LAMC1: variants seen among roughly 807,000 people sequenced by gnomAD.
The protein encoded by LAMC1 is laminin subunit gamma 1.
LAMC1 carries 38 observed loss-of-function variants against 173.6 expected under a neutral mutation model. The ratio of observed to expected loss-of-function variants is 0.22; its 90% confidence interval spans 0.17 to 0.29. The LOEUF (loss-of-function observed/expected upper bound fraction) is 0.29, where lower values mean the gene tolerates loss of function less well. Ranked by LOEUF, LAMC1 falls within the 10% of genes least tolerant of loss-of-function variation. The pLI is 1.00. For synonymous variants in LAMC1, 746 were observed against 749.1 expected, an observed-to-expected ratio of 1.00 and a Z score of 0.07; for missense variants, 1,824 against 2,051.8, an observed-to-expected ratio of 0.89 and a Z score of 2.14.
Position 183,117,616 on chromosome 1 carries a change from C to G in LAMC1, c.1770C>G (p.Leu590=), listed in dbSNP as rs1459830342. The G allele has an allele frequency of 4.3e-6, 7 of 1,614,112 alleles. No homozygotes were observed. The highest frequency in any genetic ancestry group is 5.9e-6 in the Non-Finnish European group (7 of 1,179,944). ...GAGTGGACAGGCGAGATACTCGCCT[C>G]TCTGCAGAAGACCTTGTGCTTGAGG... ...SFRVDRRDTR[L]SAEDLVLEGA... Residue 590 remains leucine (L), a synonymous_variant, in exon 10 of 28, where the codon CTC becomes CTG. Transcript: ENST00000258341.
chr1:183,076,964 C>T (rs1454029172), intron 1 of LAMC1, among the ~76,000 whole-genome samples: 1 of 152,138 alleles, frequency 6.6e-6, no homozygotes, highest in Non-Finnish European at 1.5e-5. Flanking sequence ...AAAGAAGGAC[C>T]TCTTGATTTT....
intron 1 of LAMC1, among the ~76,000 whole-genome samples, chr1:183,077,054 T>C (rs1020762862): frequency 7.9e-5 from 12 of 152,228 alleles, no homozygotes; most frequent in Admixed American, 7.9e-4. Context: ...TGGTAACTGA[T>C]GTAATTAAGA....
Position 183,023,715 on chromosome 1 carries a change from G to C in LAMC1, c.-2G>C. The C allele has an allele frequency of 8.5e-7, 1 of 1,180,504 alleles. No individual in the cohort carries two copies. The allele number at this position is 1,180,504 out of a possible 1,614,324, so 73.1% of individuals were successfully genotyped here. On this transcript the variant is annotated 5_prime_UTR_variant, in exon 1 of 28. Coordinates refer to ENST00000258341, the MANE Select transcript of LAMC1 (RefSeq NM_002293.4). The stretch of plus-strand genomic sequence containing the variant: ...GCCGTGACCCAGCGTGCGGGCGGCG[G>C]GATGAGAGGGAGCCATCGGGCCGCG...
At chr1:183,048,380 T>G (rs1038786510) in intron 1 of LAMC1, among the ~76,000 whole-genome samples, 1 of 152,220 alleles carries the variant, frequency 6.6e-6, no homozygotes, top group African/African-American at 2.4e-5. Flanking sequence ...TACAGGTAAA[T>G]CTGCTGGTGC....
At chr1:183,090,207 T>G (rs1655530272) in intron 1 of LAMC1, among the ~76,000 whole-genome samples, 1 of 152,118 alleles carries the variant, frequency 6.6e-6, no homozygotes, top group Non-Finnish European at 1.5e-5. Flanking sequence ...ACCTTTAAAT[T>G]TGTTGTAATT....
chr1:183,031,860 T>G (rs970259272), intron 1 of LAMC1, among the ~76,000 whole-genome samples: 3 of 151,956 alleles, frequency 2.0e-5, no homozygotes, highest in African/African-American at 7.3e-5. Context: ...AAGACTTGTT[T>G]AAGATAGAAC....
chr1:183,119,110 T>C (rs1656399981), intron 11 of LAMC1, among the ~76,000 whole-genome samples: 1 of 152,152 alleles, frequency 6.6e-6, no homozygotes, highest in South Asian at 2.1e-4. Context: ...TTGGCCAGGC[T>C]GATCTCAAAC....
intron 1 of LAMC1, among the ~76,000 whole-genome samples, chr1:183,086,262 C>T (rs1571431003): frequency 6.6e-6 from 1 of 152,272 alleles, no homozygotes; most frequent in East Asian, 1.9e-4. Context: ...GATTATAATC[C>T]TCCTACATGC....
chr1:183,077,782 A>ATATATATATATATACTG (rs1655156610), intron 1 of LAMC1, among the ~76,000 whole-genome samples: 1 of 101,870 alleles, frequency 9.8e-6, no homozygotes, highest in Non-Finnish European at 2.3e-5. Context: ...TTGTGTATAT[A>ATATATATATATATACTG]TATATATATA....
chr1:183,140,579 G>T, intron 27 of LAMC1, 76 bp downstream of exon 27: 2 of 800,258 alleles, frequency 2.5e-6, no homozygotes, highest in South Asian at 2.0e-5. Flanking sequence ...TAGTACAGTT[G>T]ACTCAAAAGC....
chr1:183,062,772 C>T lies in LAMC1; in HGVS notation c.418+38638C>T, dbSNP rs146754817. Among the ~76,000 whole-genome samples, 756 of 152,204 alleles carry T rather than the reference C, an allele frequency of 5.0e-3. 2 individuals carry two copies. The highest frequency in any genetic ancestry group is 0.017 in the African/African-American group (686 of 41,526). ...TTTGAGACCTGCCTGGGCAATATGG[C>T]GAAACCCCATCTCTACTAAAAACAC... On this transcript the variant is annotated intron_variant, in intron 1 of 27. Coordinates refer to ENST00000258341, the MANE Select transcript of LAMC1 (RefSeq NM_002293.4).
intron 1 of LAMC1, among the ~76,000 whole-genome samples, chr1:183,046,874 T>A (rs1335529379): frequency 6.6e-6 from 1 of 152,128 alleles, no homozygotes; most frequent in Non-Finnish European, 1.5e-5. Context: ...CTCTGCTAAT[T>A]TGATAGGTGA....
At chr1:183,027,972 G>C (rs984148479) in intron 1 of LAMC1, among the ~76,000 whole-genome samples, 14 of 152,182 alleles carry the variant, frequency 9.2e-5, no homozygotes, top group African/African-American at 3.4e-4. Context: ...GTTTCAACTT[G>C]AGAAGTTAAG....
chr1:183,099,119 C>T (rs930729035), intron 1 of LAMC1, among the ~76,000 whole-genome samples: 1 of 151,948 alleles, frequency 6.6e-6, no homozygotes, highest in Admixed American at 6.6e-5. Flanking sequence ...AAGGGAGTCT[C>T]GCTGTGTTGC....
At chr1:183,079,231 G>GTTTTTTTTTTTTT (rs1262239438) in intron 1 of LAMC1, among the ~76,000 whole-genome samples, 1 of 95,620 alleles carries the variant, frequency 1.0e-5, no homozygotes, top group African/African-American at 4.0e-5. Context: ...TCTCTAATCT[G>GTTTTTTTTTTTTT]GTTTTTTTTT....
rs545763236 is a variant in LAMC1 at position 183,051,464 on chromosome 1, G to A, written c.418+27330G>A. Among the ~76,000 whole-genome samples the A allele has an allele frequency of 1.1e-4, 16 of 152,298 alleles. No homozygotes were observed. The South Asian group carries it at 2.7e-3, about 26-fold the overall frequency. On this transcript the variant is annotated intron_variant, in intron 1 of 27. Transcript: ENST00000258341. The stretch of plus-strand genomic sequence containing the variant: ...CCACTGTGTGACTTCAGTCAATACC[G>A]TGTGGAGTACACGAATCATCCAGCT...
chr1:183,045,351 T>C (rs1654240772), intron 1 of LAMC1, among the ~76,000 whole-genome samples: 1 of 152,122 alleles, frequency 6.6e-6, no homozygotes, highest in Non-Finnish European at 1.5e-5. Context: ...AGGTATCTAC[T>C]ACCATGGATT....
In LAMC1 at chr1:183,137,793, A is replaced by G. The variant is rs891435427; in HGVS notation, c.4439A>G (p.Asp1480Gly). ...GAAAAAGAGCTAAAGAGAAAACAAGATGACGCTGACCAGGACATGATGATG... is the reference window on the plus strand; with the variant it reads ...GAAAAAGAGCTAAAGAGAAAACAAGGTGACGCTGACCAGGACATGATGATG... ...EAEKELKRKQ[D>G]DADQDMMMAG... Residue 1480 changes from aspartate (D) to glycine (G), a missense_variant, in exon 26 of 28, where the codon GAT becomes GGT. Transcript: ENST00000258341. The G allele has an allele frequency of 1.2e-6, 2 of 1,611,508 alleles. No homozygotes were observed. The highest frequency in any genetic ancestry group is 8.5e-7 in the Non-Finnish European group (1 of 1,178,566).
Position 183,116,692 on chromosome 1 carries a change from C to T in LAMC1, c.1427+17C>T. The T allele has an allele frequency of 6.2e-7, 1 of 1,609,134 alleles. No individual in the cohort carries two copies. Among genetic ancestry groups the T allele is most frequent in the Non-Finnish European group, 8.5e-7 (1 of 1,175,574 alleles). On this transcript the variant is annotated intron_variant, in intron 7 of 27. Transcript: ENST00000258341. ...TTGTGAAAGGTAGTGCATTCTTTCT[C>T]TAGCTGCATTGTGTTTTCTGTTACC... is the stretch of plus-strand genomic sequence containing the variant.
Sources: allele counts gnomAD v4.1 joint callset (sites outside exome capture counted in the v4.1 genomes callset), GRCh38; gene constraint gnomAD v4.1.1; transcripts MANE v1.5; gene names NCBI Gene and HGNC (gene_info 2026-07-23, HGNC 2026-07-21).